CFAP57: variants seen among roughly 807,000 people sequenced by gnomAD.
CFAP57 encodes the protein cilia- and flagella-associated protein 57.
A neutral mutation model predicts 146.8 loss-of-function variants in CFAP57; 116 were observed. That is an observed-to-expected ratio of 0.79 (90% confidence interval 0.68 to 0.92). The LOEUF is 0.92. Among genes scored for constraint, CFAP57 ranks in the 40% least tolerant of loss-of-function variants. The pLI is 0.00. For synonymous variants in CFAP57, 518 were observed against 552.8 expected, an observed-to-expected ratio of 0.94 and a Z score of 0.88; for missense variants, 1,377 against 1,527.2, an observed-to-expected ratio of 0.90 and a Z score of 1.64.
At chr1:43,224,749 A>G (rs1645178950) in intron 17 of CFAP57, among the ~76,000 whole-genome samples, 1 of 152,178 alleles carries the variant, frequency 6.6e-6, no homozygotes, top group Non-Finnish European at 1.5e-5. Context: ...AGTATGTAGT[A>G]TCATCCTCCT....
chr1:43,185,747 G>A (rs1273735006), intron 5 of CFAP57, among the ~76,000 whole-genome samples: 3 of 150,458 alleles, frequency 2.0e-5, no homozygotes, highest in Non-Finnish European at 2.9e-5. Context: ...GTGAAACCCC[G>A]TCTGTACTAA....
chr1:43,233,096 A>C (rs1266019407), intron 19 of CFAP57, among the ~76,000 whole-genome samples: 2 of 152,220 alleles, frequency 1.3e-5, no homozygotes, highest in Non-Finnish European at 2.9e-5. Flanking sequence ...GGTAGTACAC[A>C]CAGGGCTAAT....
chr1:43,198,279 C>T (rs1202437594), intron 7 of CFAP57, among the ~76,000 whole-genome samples: 1 of 152,208 alleles, frequency 6.6e-6, no homozygotes, highest in Non-Finnish European at 1.5e-5. Flanking sequence ...CGCTAGACCA[C>T]ACCTTGACCA....
intron 22 of CFAP57, among the ~76,000 whole-genome samples, chr1:43,247,917 A>C (rs1337991408): frequency 6.6e-6 from 1 of 152,110 alleles, no homozygotes; most frequent in African/African-American, 2.4e-5. Flanking sequence ...CGAGGTCAGG[A>C]GATCGAGACC....
rs1170120557 is a variant in CFAP57 at position 43,187,896 on chromosome 1, T to C, written c.1122+1037T>C. Among the ~76,000 whole-genome samples, 7 of 152,288 alleles carry C rather than the reference T, an allele frequency of 4.6e-5. No individual in the cohort carries two copies. In the East Asian group the frequency reaches 1.2e-3, roughly 25 times the overall value. On this transcript the variant is annotated intron_variant, in intron 6 of 22. Coordinates refer to ENST00000372492, the MANE Select transcript of CFAP57 (RefSeq NM_001378189.1). The stretch of plus-strand genomic sequence containing the variant: ...ATGGCTCACTGCAGCCTTGACCTCC[T>C]GGGCTCCAGCAATCTTCCCACCTCA...
intron 11 of CFAP57, 97 bp downstream of exon 11, chr1:43,210,013 C>T: frequency 6.2e-7 from 1 of 1,613,412 alleles, no homozygotes; most frequent in Non-Finnish European, 8.5e-7. Flanking sequence ...CTCTCTCCTT[C>T]TTCTCTCTTA....
At chr1:43,177,418 G>A (rs1431992056) in intron 2 of CFAP57, among the ~76,000 whole-genome samples, 1 of 152,112 alleles carries the variant, frequency 6.6e-6, no homozygotes, top group African/African-American at 2.4e-5. Flanking sequence ...GGTTGGTTTT[G>A]GACCTGTTAA....
intron 6 of CFAP57, among the ~76,000 whole-genome samples, chr1:43,195,584 G>A (rs940963314): frequency 2.0e-5 from 3 of 151,944 alleles, no homozygotes; most frequent in African/African-American, 7.3e-5. Context: ...TGTAGCAATG[G>A]ACGGTTGAAG....
chr1:43,181,725 C>T lies in CFAP57; in HGVS notation c.349C>T (p.Pro117Ser). 1 of 1,614,142 alleles carries T rather than the reference C, an allele frequency of 6.2e-7. No homozygotes were observed. Among genetic ancestry groups the T allele is most frequent in the South Asian group, 1.1e-5 (1 of 91,084 alleles). ...VQKFISMAFS[P>S]DSKYLLAQTS... Reference sequence around the variant, plus strand: ...GAAATTTATTAGCATGGCTTTTTCTCCAGACTCCAAATACCTATTGGCTCA... The same window carrying T: ...GAAATTTATTAGCATGGCTTTTTCTTCAGACTCCAAATACCTATTGGCTCA... The change falls in exon 3 of 23, where the codon CCA becomes TCA. Residue 117 changes from proline (P) to serine (S), a missense_variant. By Grantham distance (74) the Pro-to-Ser change is moderately conservative (BLOSUM62 -1). Coordinates refer to ENST00000372492, the MANE Select transcript of CFAP57 (RefSeq NM_001378189.1).
At chr1:43,199,062 G>T (rs1643994836) in intron 8 of CFAP57, among the ~76,000 whole-genome samples, 2 of 152,216 alleles carry the variant, frequency 1.3e-5, no homozygotes, top group Admixed American at 1.3e-4. Context: ...TTTCCCTGAG[G>T]TGTCTTGCAG....
At chr1:43,174,776 A>T (rs1052552225) in intron 2 of CFAP57, among the ~76,000 whole-genome samples, 4 of 152,256 alleles carry the variant, frequency 2.6e-5, no homozygotes. Context: ...AGATCGCACC[A>T]CTGCACTCCA....
intron 18 of CFAP57, among the ~76,000 whole-genome samples, chr1:43,231,025 A>C (rs1645445814): frequency 6.6e-6 from 1 of 152,144 alleles, no homozygotes; most frequent in Non-Finnish European, 1.5e-5. Flanking sequence ...TTATCTTGTC[A>C]TTCCTCTTCC....
At chr1:43,249,797 C>T (rs1488318484) in intron 22 of CFAP57, among the ~76,000 whole-genome samples, 1 of 151,786 alleles carries the variant, frequency 6.6e-6, no homozygotes. Flanking sequence ...AAATAAGAGG[C>T]TCAAAGTTAA....
chr1:43,178,500 A>G (rs1210350346), intron 2 of CFAP57, among the ~76,000 whole-genome samples: 1 of 152,248 alleles, frequency 6.6e-6, no homozygotes, highest in Non-Finnish European at 1.5e-5. Context: ...TTCTCAAAAG[A>G]AGACATTTAT....
chr1:43,227,666 T>C (rs1024673964), intron 18 of CFAP57, among the ~76,000 whole-genome samples: 1 of 152,090 alleles, frequency 6.6e-6, no homozygotes, highest in Non-Finnish European at 1.5e-5. Flanking sequence ...AGAAGCAGGA[T>C]CAACTGGACA....
At chr1:43,215,067 C>T (rs922485469) in intron 11 of CFAP57, among the ~76,000 whole-genome samples, 188 bp from the exon 12 acceptor site, 13 of 152,172 alleles carry the variant, frequency 8.5e-5, no homozygotes, top group African/African-American at 3.1e-4. Context: ...GTAGACGTAA[C>T]CTTACTTCTT....
chr1:43,251,959 T>C (rs544444661), intron 22 of CFAP57, among the ~76,000 whole-genome samples: 1 of 152,332 alleles, frequency 6.6e-6, no homozygotes, highest in East Asian at 1.9e-4. Flanking sequence ...CCTCTGAGGA[T>C]TGAGAAATTG....
At chr1:43,217,551 A>G (rs1328510556) in intron 12 of CFAP57, among the ~76,000 whole-genome samples, 1 of 152,076 alleles carries the variant, frequency 6.6e-6, no homozygotes, top group Non-Finnish European at 1.5e-5. Context: ...CGGTCCTTCT[A>G]CCTAGGAGAC....
At chr1:43,177,949 C>A (rs1645236486) in intron 2 of CFAP57, among the ~76,000 whole-genome samples, 2 of 152,164 alleles carry the variant, frequency 1.3e-5, no homozygotes, top group Admixed American at 1.3e-4. Flanking sequence ...AGCACTCCTG[C>A]ATTTAGTGCT....
Sources: allele counts gnomAD v4.1 joint callset (sites outside exome capture counted in the v4.1 genomes callset), GRCh38; gene constraint gnomAD v4.1.1; transcripts MANE v1.5; gene names NCBI Gene and HGNC (gene_info 2026-07-23, HGNC 2026-07-21).